The following JAKMIP1 variants were observed in gnomAD, a reference collection of about 807,000 sequenced individuals.
The protein encoded by JAKMIP1 is janus kinase and microtubule-interacting protein 1.
JAKMIP1 carries 33 observed loss-of-function variants against 113.0 expected under a neutral mutation model. The ratio of observed to expected loss-of-function variants is 0.29; its 90% confidence interval spans 0.22 to 0.39. JAKMIP1 has a LOEUF of 0.39. JAKMIP1 is among the 10% of genes least tolerant of loss of function. JAKMIP1 has a pLI of 1.00. For synonymous variants in JAKMIP1, 480 were observed against 459.9 expected (o/e 1.04, Z -0.56); for missense variants, 813 against 1,080.5 (o/e 0.75, Z 3.47).
At chr4:6,027,092 A>G (rs1711949413) in intron 20 of JAKMIP1, among the ~76,000 whole-genome samples, 1 of 152,030 alleles carries the variant, frequency 6.6e-6, no homozygotes, top group African/African-American at 2.4e-5. Flanking sequence ...AATCAGGGAA[A>G]GACGGTCTTA....
At chr4:6,043,494 C>A (rs1714609998) in intron 16 of JAKMIP1, among the ~76,000 whole-genome samples, 1 of 152,058 alleles carries the variant, frequency 6.6e-6, no homozygotes, top group African/African-American at 2.4e-5. Context: ...ATACCCAGAT[C>A]TGCCCCACCA....
intron 1 of JAKMIP1, among the ~76,000 whole-genome samples, chr4:6,125,397 C>CCACT (rs915651524): frequency 6.6e-6 from 1 of 152,138 alleles, no homozygotes; most frequent in Non-Finnish European, 1.5e-5. Context: ...CCACCCAATG[C>CCACT]CACTCTCCCA....
At chr4:6,112,591 G>T in intron 2 of JAKMIP1, 131 bp downstream of exon 2, 1 of 1,089,212 alleles carries the variant, frequency 9.2e-7, no homozygotes, top group Non-Finnish European at 1.4e-6. Context: ...ACAGACAGCA[G>T]GGCAGAGAGG....
At position 6,081,945 on chromosome 4, in the gene JAKMIP1, G is replaced by A. The variant is rs980547545; in HGVS notation, c.955-190C>T. 2.6e-5 allele frequency among the ~76,000 whole-genome samples: 4 copies of A among 152,194 alleles called. No individual in the cohort carries two copies. Among genetic ancestry groups the A allele is most frequent in the African/African-American group, 9.7e-5 (4 of 41,448 alleles). On this transcript the variant is annotated intron_variant, in intron 5 of 20. Transcript: ENST00000409021. This position sits in a 1 kb window ranked among gnomAD's most constrained non-coding sequence, Gnocchi z 4.6. ...GCCTCAGTTTCCTCATCTATCAAAT[G>A]AGAATCACGGCAGCTCCTGTCTCCT...
At chr4:6,103,062 T>C (rs1239616764) in intron 3 of JAKMIP1, among the ~76,000 whole-genome samples, 1 of 152,200 alleles carries the variant, frequency 6.6e-6, no homozygotes, top group African/African-American at 2.4e-5. Context: ...TGACTAGAAG[T>C]GGTAATAGTC....
intron 1 of JAKMIP1, among the ~76,000 whole-genome samples, chr4:6,133,078 C>A (rs955187317): frequency 1.3e-5 from 2 of 151,916 alleles, no homozygotes; most frequent in Non-Finnish European, 1.5e-5. Flanking sequence ...ATAAAAATGT[C>A]ATTATAAAAA....
intron 2 of JAKMIP1, among the ~76,000 whole-genome samples, chr4:6,111,614 C>G (rs922050644): frequency 2.6e-5 from 4 of 152,196 alleles, no homozygotes; most frequent in African/African-American, 7.2e-5. Flanking sequence ...TTTTAGTCAC[C>G]TGGCCAAGAT....
intron 20 of JAKMIP1, among the ~76,000 whole-genome samples, chr4:6,027,013 C>T (rs998404029): frequency 6.6e-6 from 1 of 151,586 alleles, no homozygotes; most frequent in Non-Finnish European, 1.5e-5. Context: ...AGGGTTCTTT[C>T]TTCCAAGAGA....
Position 6,080,323 on chromosome 4 carries a change from A to G in JAKMIP1, c.1102-11T>C. 3 of 1,612,794 alleles carry G rather than the reference A, an allele frequency of 1.9e-6. No individual in the cohort carries two copies. The highest frequency in any genetic ancestry group is 2.5e-6 in the Non-Finnish European group (3 of 1,179,320). On this transcript the variant is annotated splice_polypyrimidine_tract_variant and intron_variant, in intron 6 of 20. Coordinates refer to ENST00000409021, the MANE Select transcript of JAKMIP1 (RefSeq NM_001099433.2). The surrounding 1 kb of genome is among the most constrained non-coding windows in gnomAD (Gnocchi z 6.0). ...TGACAGCTTTTCTTTCTGCAGCCAC[A>G]GGGAGACAGACCACCACAGGGTTAC... is the stretch of plus-strand genomic sequence containing the variant.
rs1345214302 is a variant in JAKMIP1 at position 6,197,551 on chromosome 4, A to C, written c.-148+2702T>G. On this transcript the variant is annotated intron_variant, in intron 1 of 20. Coordinates refer to ENST00000409021, the MANE Select transcript of JAKMIP1 (RefSeq NM_001099433.2). This position sits in a 1 kb window ranked among gnomAD's most constrained non-coding sequence, Gnocchi z 6.5. ...TTAATCTTCTTACCCAAGATCACAC[A>C]ATGACAAGGGATAAACTACAGGCAA... Among the ~76,000 whole-genome samples, 3 of 152,176 alleles carry C rather than the reference A, an allele frequency of 2.0e-5. No individual in the cohort carries two copies. The highest frequency in any genetic ancestry group is 2.1e-4 in the South Asian group (1 of 4,834).
At chr4:6,036,997 GAGGCAGAGGTTAACCCA>G (rs1393951799) in intron 18 of JAKMIP1, among the ~76,000 whole-genome samples, 10 of 117,252 alleles carry the variant, frequency 8.5e-5, no homozygotes, top group South Asian at 4.9e-4. Flanking sequence ...CTCCATCACT[GAGGCAGAGGTTAACCCA>G]GTAGCCCTCC....
intron 1 of JAKMIP1, among the ~76,000 whole-genome samples, chr4:6,127,898 GC>G (rs1238408187): frequency 3.3e-5 from 5 of 152,302 alleles, no homozygotes; most frequent in South Asian, 2.1e-4. Flanking sequence ...GCACTCGGAA[GC>G]CCCCAAAATG....
At chr4:6,166,728 C>T (rs980061566) in intron 1 of JAKMIP1, among the ~76,000 whole-genome samples, 5 of 152,346 alleles carry the variant, frequency 3.3e-5, no homozygotes, top group African/African-American at 7.2e-5. Context: ...GATGGGAAAA[C>T]GACAGGTGAG....
intron 1 of JAKMIP1, among the ~76,000 whole-genome samples, chr4:6,171,170 A>G (rs1560318680): frequency 1.3e-5 from 2 of 149,224 alleles, no homozygotes; most frequent in African/African-American, 2.5e-5. Flanking sequence ...CATCTCCATC[A>G]CCATTACCAC....
chr4:6,124,709 G>A (rs1717168782), intron 1 of JAKMIP1, among the ~76,000 whole-genome samples: 1 of 152,198 alleles, frequency 6.6e-6, no homozygotes, highest in Admixed American at 6.5e-5. Flanking sequence ...GCTCCAGCCT[G>A]GGCCATGCCT....
At position 6,049,073 on chromosome 4, in the gene JAKMIP1, GT is replaced by G. The variant is rs1306165695; in HGVS notation, c.1963-152del. On this transcript the variant is annotated intron_variant, in intron 15 of 20. Transcript: ENST00000409021. This position sits in a 1 kb window ranked among gnomAD's most constrained non-coding sequence, Gnocchi z 7.0. Reference sequence around the variant, plus strand: ...GACGGAGTCTCTCTCTGTCACCTGGGTTTGAGTGCAGTGGTGTGATCTCGGC... The same window carrying G: ...GACGGAGTCTCTCTCTGTCACCTGGGTTGAGTGCAGTGGTGTGATCTCGGC... 2.0e-5 allele frequency among the ~76,000 whole-genome samples: 3 copies of G among 152,176 alleles called. No individual in the cohort carries two copies. The highest frequency in any genetic ancestry group is 4.4e-5 in the Non-Finnish European group (3 of 68,042).
Position 6,138,707 on chromosome 4 carries a change from C to T in JAKMIP1, c.-147-25710G>A, listed in dbSNP as rs1719625436. On this transcript the variant is annotated intron_variant, in intron 1 of 20. Transcript: ENST00000409021. The surrounding 1 kb of genome is among the most constrained non-coding windows in gnomAD (Gnocchi z 6.0). ...GAATGGCCGTGCAGTGGCGTGTTCT[C>T]AACGGCCAGCTCTGTCTCAGAATGG... 6.6e-6 allele frequency among the ~76,000 whole-genome samples: 1 copy of T among 152,150 alleles called. No homozygotes were observed. Among genetic ancestry groups the T allele is most frequent in the Non-Finnish European group, 1.5e-5 (1 of 68,046 alleles).
At position 6,111,259 on chromosome 4, in the gene JAKMIP1, C is replaced by T. The variant is rs562471054; in HGVS notation, c.129+1463G>A. 1.6e-4 allele frequency among the ~76,000 whole-genome samples: 25 copies of T among 152,358 alleles called. No individual in the cohort carries two copies. In the South Asian group the frequency reaches 2.1e-3, roughly 13 times the overall value. On this transcript the variant is annotated intron_variant, in intron 2 of 20. Coordinates refer to ENST00000409021, the MANE Select transcript of JAKMIP1 (RefSeq NM_001099433.2). The stretch of plus-strand genomic sequence containing the variant: ...TTCCCCAAGCAGCCTCCACCCGTCA[C>T]TCCAGGTACTACAGCAGGAGCCAGA...
chr4:6,133,497 C>T (rs1239783688), intron 1 of JAKMIP1, among the ~76,000 whole-genome samples: 1 of 152,136 alleles, frequency 6.6e-6, no homozygotes, highest in African/African-American at 2.4e-5. Flanking sequence ...TAATCCTTCC[C>T]AGCCTGACGC....
Sources: allele counts gnomAD v4.1 joint callset (sites outside exome capture counted in the v4.1 genomes callset), GRCh38; gene constraint gnomAD v4.1.1; non-coding constraint Gnocchi (gnomAD v3.1); transcripts MANE v1.5; gene names NCBI Gene and HGNC (gene_info 2026-07-23, HGNC 2026-07-21).